FREM2: variants seen among roughly 807,000 people sequenced by gnomAD.
FREM2 encodes FRAS1 related extracellular matrix 2, also known as FRAS1-related extracellular matrix protein 2.
FREM2 carries 119 observed loss-of-function variants against 219.9 expected under a neutral mutation model. The observed-to-expected ratio is 0.54, with a 90% CI of 0.47 to 0.63. The LOEUF is 0.63. Among genes scored for constraint, FREM2 ranks in the 30% least tolerant of loss-of-function variants. FREM2 has a pLI of 0.00. For missense variants in FREM2, 4,030 were observed against 3,993.6 expected, an observed-to-expected ratio of 1.01 and a Z score of -0.25; for synonymous variants, 1,562 against 1,522.8, an observed-to-expected ratio of 1.03 and a Z score of -0.60.
At chr13:38,806,194 T>A (rs1875220026) in intron 6 of FREM2, among the ~76,000 whole-genome samples, 1 of 151,886 alleles carries the variant, frequency 6.6e-6, no homozygotes, top group Admixed American at 6.6e-5. Context: ...TGGGAGGACT[T>A]GTGGCCCCAT....
In FREM2 at chr13:38,885,665, A is replaced by T. The variant is rs1878701599; in HGVS notation, c.*4878A>T. 1 of 152,190 alleles carries T rather than the reference A, an allele frequency of 6.6e-6. No homozygotes were observed. Among genetic ancestry groups the T allele is most frequent in the Non-Finnish European group, 1.5e-5 (1 of 68,018 alleles). The allele number at this position is 152,190 out of a possible 1,614,324, so 9.4% of individuals were successfully genotyped here. A position where few individuals can be genotyped will look rare whatever the true frequency, so the allele number is the denominator to read the frequency against. ...TAAGTCCACACAGCATTTGTGCAGT[A>T]TCCCTTCTGTGTAAAATGTTAAGGC... is the stretch of plus-strand genomic sequence containing the variant. On this transcript the variant is annotated 3_prime_UTR_variant, in exon 24 of 24. Transcript: ENST00000280481.
chr13:38,846,791 T>A, intron 7 of FREM2, 69 bp downstream of exon 7: 2 of 1,539,456 alleles, frequency 1.3e-6, no homozygotes, highest in Non-Finnish European at 1.8e-6. Context: ...CAAATTTATT[T>A]AAAGCTGAAA....
chr13:38,832,062 C>T (rs764279974), intron 6 of FREM2, among the ~76,000 whole-genome samples: 2 of 152,026 alleles, frequency 1.3e-5, no homozygotes, highest in Non-Finnish European at 2.9e-5. Context: ...CGCCTGTAAT[C>T]CTACCTGTCT....
intron 15 of FREM2, among the ~76,000 whole-genome samples, chr13:38,863,626 C>G (rs1388263658): frequency 1.3e-5 from 2 of 152,038 alleles, no homozygotes; most frequent in Non-Finnish European, 2.9e-5. Context: ...TAGAAGATAA[C>G]TGGATTCTCT....
Position 38,687,126 on chromosome 13 carries a change from G to A in FREM2, c.-219G>A, listed in dbSNP as rs886050183. The stretch of plus-strand genomic sequence containing the variant: ...GCGCGATTGAGGCGCTAGCGGCGGA[G>A]CTGGACGGCCTGGGAAGGCTTCGGC... On this transcript the variant is annotated 5_prime_UTR_variant, in exon 1 of 24. Transcript: ENST00000280481. 3 of 612,416 alleles carry A rather than the reference G, an allele frequency of 4.9e-6. No individual in the cohort carries two copies. Among genetic ancestry groups the A allele is most frequent in the South Asian group, 2.0e-5 (1 of 49,162 alleles). 37.9% of individuals were successfully genotyped at this position (612,416 alleles called of 1,614,324 possible).
chr13:38,859,532 C>T lies in FREM2; in HGVS notation c.7461C>T (p.Thr2487=), dbSNP rs201606658. 1.2e-6 allele frequency: 2 copies of T among 1,614,032 alleles called. No individual in the cohort carries two copies. Among genetic ancestry groups the T allele is most frequent in the Admixed American group, 3.3e-5 (2 of 60,014 alleles). The change falls in exon 14 of 24, where the codon ACC becomes ACT. Residue 2487 remains threonine, a synonymous_variant. Coordinates refer to ENST00000280481, the MANE Select transcript of FREM2 (RefSeq NM_207361.6). ...RVQCAARAVN[T]NGDEGLELMS... is the part of the protein sequence containing the mutation. ...AGTGCGCAGCTCGTGCTGTGAACAC[C>T]AATGGGGATGAAGGCCTGGAGCTCA... is the stretch of plus-strand genomic sequence containing the variant.
At chr13:38,791,711 G>A (rs1198679948) in intron 6 of FREM2, among the ~76,000 whole-genome samples, 1 of 152,152 alleles carries the variant, frequency 6.6e-6, no homozygotes, top group Admixed American at 6.5e-5. Flanking sequence ...ACCTGGTCCT[G>A]CCCTTGTCAC....
At chr13:38,766,517 A>G (rs960606563) in intron 3 of FREM2, among the ~76,000 whole-genome samples, 2 of 152,162 alleles carry the variant, frequency 1.3e-5, no homozygotes, top group African/African-American at 4.8e-5. Flanking sequence ...TACAAGTTTT[A>G]CAATGAATAC....
Position 38,697,767 on chromosome 13 carries a change from A to G in FREM2, c.5243A>G (p.Tyr1748Cys). The change falls in exon 2 of 24, where the codon TAT becomes TGT. Residue 1748 changes from tyrosine to cysteine, a missense_variant. Coordinates refer to ENST00000280481, the MANE Select transcript of FREM2 (RefSeq NM_207361.6). Reference sequence around the variant, plus strand: ...GCTAATGCCACAAGTGATATGTTCTATTTTGCAGTTGAAGATGGTGGTAAG... The same window carrying G: ...GCTAATGCCACAAGTGATATGTTCTGTTTTGCAGTTGAAGATGGTGGTAAG... Reference protein sequence around the residue: ...EGANATSDMFYFAVEDGGGNK... With the variant: ...EGANATSDMFCFAVEDGGGNK... 2 of 1,605,756 alleles carry G rather than the reference A, an allele frequency of 1.2e-6. No individual in the cohort carries two copies. Among genetic ancestry groups the G allele is most frequent in the Non-Finnish European group, 1.7e-6 (2 of 1,172,440 alleles).
At chr13:38,820,996 T>C (rs1307324303) in intron 6 of FREM2, among the ~76,000 whole-genome samples, 1 of 152,198 alleles carries the variant, frequency 6.6e-6, no homozygotes, top group Non-Finnish European at 1.5e-5. Context: ...TGTACTATTT[T>C]CTGACATTGG....
chr13:38,731,047 A>G (rs772259570), intron 2 of FREM2, among the ~76,000 whole-genome samples: 2 of 152,152 alleles, frequency 1.3e-5, no homozygotes, highest in Non-Finnish European at 2.9e-5. Context: ...CTCTTTGGCA[A>G]AGCTTAATGC....
At chr13:38,765,599 G>T (rs1215553403) in intron 3 of FREM2, among the ~76,000 whole-genome samples, 1 of 151,362 alleles carries the variant, frequency 6.6e-6, no homozygotes, top group Non-Finnish European at 1.5e-5. Flanking sequence ...ATCCCTCCCT[G>T]ACACCCCCAC....
chr13:38,807,431 A>G (rs1875290854), intron 6 of FREM2, among the ~76,000 whole-genome samples: 1 of 150,682 alleles, frequency 6.6e-6, no homozygotes, highest in South Asian at 2.1e-4. Context: ...GAATTTTTCC[A>G]GAGAGTTTTC....
chr13:38,812,042 A>G (rs1227896164), intron 6 of FREM2, among the ~76,000 whole-genome samples: 1 of 152,184 alleles, frequency 6.6e-6, no homozygotes, highest in East Asian at 1.9e-4. Context: ...TTATCAGTAT[A>G]CAATGACCTT....
chr13:38,817,308 A>T (rs1382515547), intron 6 of FREM2, among the ~76,000 whole-genome samples: 1 of 151,848 alleles, frequency 6.6e-6, no homozygotes. Context: ...TCACTTCAAA[A>T]TATACTACAA....
intron 2 of FREM2, among the ~76,000 whole-genome samples, chr13:38,747,226 G>T (rs981700424): frequency 4.6e-5 from 7 of 152,034 alleles, no homozygotes; most frequent in African/African-American, 1.4e-4. Context: ...ATAGTTATGA[G>T]ATTTTCCTCT....
Position 38,695,034 on chromosome 13 carries a change from A to G in FREM2, c.5173+2517A>G, listed in dbSNP as rs535000107. On this transcript the variant is annotated intron_variant, in intron 1 of 23. Transcript: ENST00000280481. ...AAAATCTCATGGAATAATTTTGTAG[A>G]TAAACTGAAATAAATTTAATGTATA... Among the ~76,000 whole-genome samples, 5 of 152,340 alleles carry G rather than the reference A, an allele frequency of 3.3e-5. No homozygotes were observed. In the South Asian group the frequency reaches 1.0e-3, roughly 32 times the overall value.
Position 38,830,703 on chromosome 13 carries a change from G to A in FREM2, c.6020-15870G>A, listed in dbSNP as rs116469666. 3.0e-3 allele frequency among the ~76,000 whole-genome samples: 461 copies of A among 152,220 alleles called. 2 individuals are homozygous for A. The highest frequency in any genetic ancestry group is 0.01 in the African/African-American group (430 of 41,550). ...ACTTCCCAACCTACTGCACACTCAC[G>A]TCTTTCTTTTCCTTTATCTGAGATG... On this transcript the variant is annotated intron_variant, in intron 6 of 23. Transcript: ENST00000280481.
chr13:38,850,197 G>A lies in FREM2; in HGVS notation c.6539G>A (p.Arg2180His), dbSNP rs140528316. ...SAQVMMDFEERPNTDTSIITF... is the reference protein window; with the variant it reads ...SAQVMMDFEEHPNTDTSIITF... ...CAGGTGATGATGGACTTTGAAGAAC[G>A]CCCAAACACTGATACCTCCATCATC... Residue 2180 changes from arginine (R) to histidine (H), a missense_variant, in exon 9 of 24, where the codon CGC (arginine) becomes CAC (histidine). Arg to His is a conservative substitution (Grantham distance 29, BLOSUM62 0). Around this residue, in one of 2 missense-constraint regions of FREM2, gnomAD observed 3,102 missense variants for 2,950.7 expected, o/e 1.05. Transcript: ENST00000280481. The A allele has an allele frequency of 5.0e-6, 8 of 1,613,780 alleles. No homozygotes were observed. Among genetic ancestry groups the A allele is most frequent in the Middle Eastern group, 1.6e-4 (1 of 6,080 alleles).
Sources: gnomAD v4.1 joint callset for allele counts (sites outside exome capture counted in the v4.1 genomes callset) on GRCh38, gnomAD v4.1.1 for gene constraint, gnomAD v4.1.1 regional missense constraint, MANE v1.5 for transcripts, NCBI Gene and HGNC (gene_info 2026-07-23, HGNC 2026-07-21) for gene names.